CACNA2D3: variants seen among roughly 807,000 people sequenced by gnomAD.
The protein encoded by CACNA2D3 is voltage-dependent calcium channel subunit alpha-2/delta-3.
Under a neutral mutation model 160.6 loss-of-function variants are expected in CACNA2D3, and 60 were observed. That is an observed-to-expected ratio of 0.37 (90% CI 0.30 to 0.46). CACNA2D3 has a LOEUF of 0.46. Ranked by LOEUF, CACNA2D3 falls within the 20% of genes least tolerant of loss-of-function variation. The probability of loss-of-function intolerance (pLI) is 1.00; values close to 1 mark genes in which losing one functional copy is unlikely to be tolerated. For synonymous variants in CACNA2D3, 558 were observed against 492.9 expected, an observed-to-expected ratio of 1.13 and a Z score of -1.75; for missense variants, 1,205 against 1,365.0, an observed-to-expected ratio of 0.88 and a Z score of 1.85.
chr3:55,002,750 C>T (rs967564061), intron 31 of CACNA2D3, among the ~76,000 whole-genome samples: 15 of 152,186 alleles, frequency 9.9e-5, no homozygotes, highest in Non-Finnish European at 8.8e-5. Flanking sequence ...TTGGGCTTTG[C>T]TGCCCAAGGA....
chr3:54,186,685 T>C (rs1700884172), intron 2 of CACNA2D3, among the ~76,000 whole-genome samples: 1 of 152,240 alleles, frequency 6.6e-6, no homozygotes, highest in Non-Finnish European at 1.5e-5. Flanking sequence ...TAATGTGCTC[T>C]CTGCTGTGTC....
chr3:54,152,957 T>A (rs1331777198), intron 2 of CACNA2D3, among the ~76,000 whole-genome samples: 1 of 152,212 alleles, frequency 6.6e-6, no homozygotes, highest in Non-Finnish European at 1.5e-5. Context: ...ACTCATGATG[T>A]GGGCAGGAAT....
chr3:54,603,255 C>G (rs1264951528), intron 9 of CACNA2D3, among the ~76,000 whole-genome samples: 1 of 152,168 alleles, frequency 6.6e-6, no homozygotes, highest in Non-Finnish European at 1.5e-5. Flanking sequence ...AGCGCTGCCC[C>G]CCACCACCTC....
At chr3:54,246,656 G>A (rs533393457) in intron 2 of CACNA2D3, among the ~76,000 whole-genome samples, 16 of 151,980 alleles carry the variant, frequency 1.1e-4, no homozygotes, top group Non-Finnish European at 1.8e-4. Context: ...CCTGGGAGAC[G>A]GAGGCTGCAG....
At chr3:54,290,964 G>A (rs1367594448) in intron 2 of CACNA2D3, among the ~76,000 whole-genome samples, 1 of 152,228 alleles carries the variant, frequency 6.6e-6, no homozygotes, top group Non-Finnish European at 1.5e-5. Flanking sequence ...GCTAAATGAC[G>A]AGTTAATGGG....
At chr3:54,486,859 C>T (rs1288233130) in intron 4 of CACNA2D3, among the ~76,000 whole-genome samples, 2 of 152,080 alleles carry the variant, frequency 1.3e-5, no homozygotes, top group African/African-American at 4.8e-5. Flanking sequence ...GTTTCTAGTT[C>T]TGAAACAAGG....
At chr3:54,694,714 G>T (rs932550242) in intron 11 of CACNA2D3, among the ~76,000 whole-genome samples, 1 of 152,068 alleles carries the variant, frequency 6.6e-6, no homozygotes, top group Non-Finnish European at 1.5e-5. Flanking sequence ...GCTGTATTTG[G>T]GTTCCTTCCC....
intron 2 of CACNA2D3, among the ~76,000 whole-genome samples, chr3:54,236,568 A>G (rs1701880215): frequency 6.6e-6 from 1 of 152,068 alleles, no homozygotes; most frequent in Admixed American, 6.5e-5. Flanking sequence ...TGTTCTGTGG[A>G]TGAAGATTGA....
intron 17 of CACNA2D3, among the ~76,000 whole-genome samples, chr3:54,852,954 T>C (rs1699090894): frequency 6.6e-6 from 1 of 152,222 alleles, no homozygotes; most frequent in African/African-American, 2.4e-5. Context: ...GAAAGTCAAA[T>C]GGAATTTTTC....
chr3:54,616,614 C>T (rs1698855631), intron 9 of CACNA2D3, among the ~76,000 whole-genome samples: 1 of 152,180 alleles, frequency 6.6e-6, no homozygotes, highest in Non-Finnish European at 1.5e-5. Context: ...TGGAGGCTGG[C>T]TGCCAAAAGG....
intron 29 of CACNA2D3, among the ~76,000 whole-genome samples, chr3:54,984,080 A>G (rs540138148): frequency 6.6e-6 from 1 of 152,316 alleles, no homozygotes; most frequent in African/African-American, 2.4e-5. Context: ...CTTTAACAGA[A>G]GTCTGCCCCT....
intron 3 of CACNA2D3, among the ~76,000 whole-genome samples, chr3:54,327,513 T>C (rs1412645203): frequency 1.3e-5 from 2 of 152,232 alleles, no homozygotes; most frequent in African/African-American, 4.8e-5. Flanking sequence ...ATTTATCTCT[T>C]TCCCAAATAA....
chr3:54,652,959 T>C (rs1336509968), intron 11 of CACNA2D3, among the ~76,000 whole-genome samples: 1 of 151,988 alleles, frequency 6.6e-6, no homozygotes, highest in Non-Finnish European at 1.5e-5. Context: ...ATTTTTGTAT[T>C]TTTAGTAGAG....
chr3:54,216,238 C>T (rs576733891), intron 2 of CACNA2D3, among the ~76,000 whole-genome samples: 1 of 152,110 alleles, frequency 6.6e-6, no homozygotes, highest in Non-Finnish European at 1.5e-5. Context: ...ACTAAGGAAG[C>T]ACAGGCTTTG....
In CACNA2D3 at chr3:54,581,787, C is replaced by A; in HGVS notation, c.889-16C>A. On this transcript the variant is annotated splice_polypyrimidine_tract_variant and intron_variant, in intron 8 of 37. Transcript: ENST00000474759. The stretch of plus-strand genomic sequence containing the variant: ...TCCTTAATTAAGTGTTCCTTCTTGA[C>A]TTTTTTCCTTTGCAGTATAATGAGG... 1 of 1,608,632 alleles carries A rather than the reference C, an allele frequency of 6.2e-7. No homozygotes were observed. The highest frequency in any genetic ancestry group is 8.5e-7 in the Non-Finnish European group (1 of 1,176,036).
At chr3:54,737,875 G>A (rs1283068621) in intron 11 of CACNA2D3, among the ~76,000 whole-genome samples, 2 of 152,074 alleles carry the variant, frequency 1.3e-5, no homozygotes, top group Admixed American at 6.5e-5. Context: ...CATGTTGGCC[G>A]GGCTTGTTTT....
intron 2 of CACNA2D3, among the ~76,000 whole-genome samples, chr3:54,154,535 C>G (rs939247493): frequency 9.2e-5 from 14 of 152,002 alleles, no homozygotes; most frequent in Admixed American, 8.5e-4. Flanking sequence ...CTTTTTCCCC[C>G]CCGAATGATT....
At chr3:54,174,580 A>T (rs1438813914) in intron 2 of CACNA2D3, among the ~76,000 whole-genome samples, 1 of 141,046 alleles carries the variant, frequency 7.1e-6, no homozygotes, top group Admixed American at 7.0e-5. Flanking sequence ...GCTGGAGTGC[A>T]GTGGCGCGAT....
intron 2 of CACNA2D3, among the ~76,000 whole-genome samples, chr3:54,220,397 G>A (rs1038007727): frequency 6.6e-6 from 1 of 152,164 alleles, no homozygotes; most frequent in Non-Finnish European, 1.5e-5. Flanking sequence ...ACATACAGGT[G>A]AATTTACAAA....
Sources: gnomAD v4.1 joint callset for allele counts (sites outside exome capture counted in the v4.1 genomes callset) on GRCh38, gnomAD v4.1.1 for gene constraint, MANE v1.5 for transcripts, NCBI Gene and HGNC (gene_info 2026-07-23, HGNC 2026-07-21) for gene names.